LIFR: variants seen among roughly 807,000 people sequenced by gnomAD.
The protein encoded by LIFR is leukemia inhibitory factor receptor.
In LIFR, 84 loss-of-function variants were observed where a neutral mutation model predicts 122.2. The ratio of observed to expected loss-of-function variants is 0.69; its 90% CI spans 0.58 to 0.82. The LOEUF (loss-of-function observed/expected upper bound fraction) is 0.82. LIFR is among the 40% of genes least tolerant of loss of function. LIFR has a pLI of 0.00. For missense variants in LIFR, 1,294 were observed against 1,311.6 expected, an observed-to-expected ratio of 0.99 and a Z score of 0.21; for synonymous variants, 422 against 434.7, an observed-to-expected ratio of 0.97 and a Z score of 0.36.
At chr5:38,538,788 C>T (rs946086584) in intron 1 of LIFR, among the ~76,000 whole-genome samples, 8 of 152,226 alleles carry the variant, frequency 5.3e-5, no homozygotes, top group African/African-American at 1.4e-4. Context: ...AGTTGCAAAG[C>T]TTTAAATAGC....
intron 13 of LIFR, 79 bp from the exon 14 acceptor site, chr5:38,493,864 T>TAGAAAAATCACTTCATTGTAA: frequency 8.7e-7 from 1 of 1,155,880 alleles, no homozygotes; most frequent in Non-Finnish European, 1.3e-6. Context: ...GGACATGAGT[T>TAGAAAAATCACTTCATTGTAA]AGAAAAATCA....
At position 38,585,998 on chromosome 5, in the gene LIFR, T is replaced by C. The variant is rs535980160; in HGVS notation, c.-20+9263A>G. The stretch of plus-strand genomic sequence containing the variant: ...TGCAACTGGGCTAATAGGAAGCAAC[T>C]AAGCCGAGTGTAGCATCACTTTTGG... On this transcript the variant is annotated intron_variant, in intron 1 of 19. Coordinates refer to the LIFR transcript ENST00000263409. Among the ~76,000 whole-genome samples, 6 of 152,222 alleles carry C rather than the reference T, an allele frequency of 3.9e-5. 1 individual carries two copies. In the South Asian group the frequency reaches 1.2e-3, roughly 32 times the overall value.
At chr5:38,551,897 C>T (rs767951976) in intron 1 of LIFR, among the ~76,000 whole-genome samples, 36 of 152,108 alleles carry the variant, frequency 2.4e-4, no homozygotes, top group Non-Finnish European at 4.7e-4. Flanking sequence ...TTTTAGACAA[C>T]GTAAGACAAA....
At position 38,527,273 on chromosome 5, in the gene LIFR, C is replaced by T. The variant is rs1413407022; in HGVS notation, c.279G>A (p.Leu93=). The change falls in exon 4 of 20, where the codon TTG becomes TTA. Residue 93 remains leucine, a synonymous_variant. Coordinates refer to ENST00000453190, the MANE Select transcript of LIFR (RefSeq NM_001127671.2). ...CTGGAATTTTAATACTGGTTTTCTC[C>T]AACTGATAACAAGAACGGGACCTGT... ...IENRSRSCYQ[L]EKTSIKIPAL... 6.3e-7 allele frequency: 1 copy of T among 1,586,340 alleles called. No individual in the cohort carries two copies. Among genetic ancestry groups the T allele is most frequent in the Admixed American group, 1.7e-5 (1 of 59,898 alleles).
At chr5:38,542,959 C>T (rs1234806400) in intron 1 of LIFR, among the ~76,000 whole-genome samples, 2 of 151,848 alleles carry the variant, frequency 1.3e-5, no homozygotes, top group African/African-American at 4.8e-5. Context: ...AAACTGAGCA[C>T]AATGAAGATT....
upstream of LIFR, chr5:38,559,247 T>C (rs1437548669): frequency 6.6e-6 from 1 of 152,214 alleles, no homozygotes; most frequent in Non-Finnish European, 1.5e-5. Flanking sequence ...TGAGGTACAA[T>C]TTGAAGAGTT....
In LIFR at chr5:38,496,535, C is replaced by T. The variant is rs3729740; in HGVS notation, c.1732G>A (p.Asp578Asn). 14,327 of 1,613,952 alleles carry T rather than the reference C, an allele frequency of 8.9e-3. 1,472 individuals are homozygous for T. The East Asian group carries it at 0.25, about 28-fold the overall frequency. The change falls in exon 13 of 20, where the codon GAT becomes AAT. Residue 578 changes from aspartate to asparagine, a missense_variant. Asp to Asn is a conservative substitution (Grantham distance 23, BLOSUM62 1). Transcript: ENST00000453190. ...TCAGAAAGGGACTGTGTTTCCTCAT[C>T]TGATGAACACGATACATTGTAGGAA... ...ILSYNVSCSSDEETQSLSEIP... is the reference protein window; with the variant it reads ...ILSYNVSCSSNEETQSLSEIP...
At chr5:38,533,449 C>T (rs1373232912) in intron 1 of LIFR, among the ~76,000 whole-genome samples, 4 of 152,160 alleles carry the variant, frequency 2.6e-5, no homozygotes, top group Admixed American at 6.5e-5. Flanking sequence ...CCTGTCAACA[C>T]GGGCCCCTGA....
chr5:38,491,306 C>T (rs1476032924), intron 14 of LIFR, among the ~76,000 whole-genome samples: 2 of 152,126 alleles, frequency 1.3e-5, no homozygotes, highest in African/African-American at 4.8e-5. Flanking sequence ...ATGCACAAAA[C>T]GTCAAGCATG....
intron 1 of LIFR, among the ~76,000 whole-genome samples, chr5:38,569,199 GATTATAGCCCACC>G (rs1240996304): frequency 2.0e-5 from 3 of 152,180 alleles, no homozygotes; most frequent in African/African-American, 7.2e-5. Context: ...TTCTTGCTCA[GATTATAGCCCACC>G]ATTCTATCTC....
chr5:38,510,738 T>G lies in LIFR; in HGVS notation c.737-20A>C, dbSNP rs1745756686. On this transcript the variant is annotated intron_variant, in intron 6 of 19. Coordinates refer to ENST00000453190, the MANE Select transcript of LIFR (RefSeq NM_001127671.2). Reference sequence around the variant, plus strand: ...GTATCCCTAGAAAGAAAAAGAGGAATTATAAACATTTTATATAGAAGTATT... The same window carrying G: ...GTATCCCTAGAAAGAAAAAGAGGAAGTATAAACATTTTATATAGAAGTATT... 6.3e-7 allele frequency: 1 copy of G among 1,589,854 alleles called. No individual in the cohort carries two copies.
At chr5:38,528,676 T>G (rs1167825303) in intron 3 of LIFR, 50 bp downstream of exon 3, 1 of 1,087,024 alleles carries the variant, frequency 9.2e-7, no homozygotes, top group Admixed American at 2.0e-5. Context: ...CTGAGGGTCG[T>G]TTCTGCAATT....
rs562477932 is a variant in LIFR, at chr5:38,593,326, G to T, written c.-20+1935C>A. Among the ~76,000 whole-genome samples, 11 of 152,272 alleles carry T rather than the reference G, an allele frequency of 7.2e-5. No homozygotes were observed. In the East Asian group the frequency reaches 2.1e-3, roughly 29 times the overall value. ...TGAATTCTGTTAGAATGGGGAATCT[G>T]GCATAGGTAAAAACTTAAACCTATG... On this transcript the variant is annotated intron_variant, in intron 1 of 19. Transcript: ENST00000263409.
At chr5:38,491,286 C>A (rs925629233) in intron 14 of LIFR, among the ~76,000 whole-genome samples, 1 of 152,170 alleles carries the variant, frequency 6.6e-6, no homozygotes, top group Non-Finnish European at 1.5e-5. Context: ...ACAATGTGAG[C>A]AACACAGACA....
intron 7 of LIFR, 81 bp from the exon 8 acceptor site, chr5:38,506,713 C>G (rs978078442): frequency 1.7e-6 from 2 of 1,160,352 alleles, no homozygotes; most frequent in Non-Finnish European, 2.5e-6. Flanking sequence ...TCAATGTTTT[C>G]CACAATTTCC....
upstream of LIFR, among the ~76,000 whole-genome samples, chr5:38,561,291 C>T (rs768534968): frequency 1.2e-4 from 18 of 152,246 alleles, no homozygotes; most frequent in South Asian, 1.0e-3. Context: ...TTGAACATTG[C>T]TATTGTTGAA....
At position 38,524,252 on chromosome 5, in the gene LIFR, A is replaced by G. The variant is rs145766550; in HGVS notation, c.398-670T>C. On this transcript the variant is annotated intron_variant, in intron 4 of 19. Coordinates refer to ENST00000453190, the MANE Select transcript of LIFR (RefSeq NM_001127671.2). The stretch of plus-strand genomic sequence containing the variant: ...ATGCTATGGGCATTACTGATTTTCA[A>G]TACCATTAAACAGTAGCAGGATTGT... Among the ~76,000 whole-genome samples the G allele has an allele frequency of 1.9e-3, 286 of 152,330 alleles. 3 individuals carry two copies. The highest frequency in any genetic ancestry group is 6.5e-3 in the African/African-American group (272 of 41,584).
At chr5:38,577,270 T>C (rs1749418497) in intron 1 of LIFR, among the ~76,000 whole-genome samples, 1 of 152,210 alleles carries the variant, frequency 6.6e-6, no homozygotes, top group South Asian at 2.1e-4. Flanking sequence ...TATTTGAAGC[T>C]ACGTTTTGAG....
chr5:38,573,361 G>T lies in LIFR; in HGVS notation c.-20+21900C>A, dbSNP rs114259638. ...CTACTTCACCATCAGTAAAGCAGGGGATAATAATGAATCCTACCTGTCTGC... is the reference window on the plus strand; with the variant it reads ...CTACTTCACCATCAGTAAAGCAGGGTATAATAATGAATCCTACCTGTCTGC... On this transcript the variant is annotated intron_variant, in intron 1 of 19. Transcript: ENST00000263409. Among the ~76,000 whole-genome samples, 845 of 152,266 alleles carry T rather than the reference G, an allele frequency of 5.5e-3. 5 individuals carry two copies. The highest frequency in any genetic ancestry group is 0.014 in the Middle Eastern group (4 of 294).
Sources: allele counts gnomAD v4.1 joint callset (sites outside exome capture counted in the v4.1 genomes callset), GRCh38; gene constraint gnomAD v4.1.1; transcripts MANE v1.5; gene names NCBI Gene and HGNC (gene_info 2026-07-23, HGNC 2026-07-21).